The following PRKAG2 variants were observed in gnomAD, a reference collection of about 807,000 sequenced individuals.
PRKAG2 encodes the protein protein kinase AMP-activated non-catalytic subunit gamma 2.
PRKAG2 carries 26 observed loss-of-function variants against 69.6 expected under a neutral mutation model. The ratio of observed to expected loss-of-function variants is 0.37; its 90% CI spans 0.27 to 0.52. The LOEUF is 0.52. Among genes scored for constraint, PRKAG2 ranks in the 20% least tolerant of loss-of-function variants. The pLI, the probability that PRKAG2 is intolerant of heterozygous loss-of-function variation, is 0.90. For synonymous variants in PRKAG2, 293 were observed against 285.0 expected (o/e 1.03, Z -0.28); for missense variants, 557 against 740.0 (o/e 0.75, Z 2.87).
At chr7:151,684,612 G>T (rs533662822) in intron 3 of PRKAG2, among the ~76,000 whole-genome samples, 53 of 152,314 alleles carry the variant, frequency 3.5e-4, no homozygotes, top group African/African-American at 1.3e-3. Flanking sequence ...GACCCTGCTG[G>T]TCGGAAGCTC....
At chr7:151,681,679 G>A (rs183551877) in intron 3 of PRKAG2, among the ~76,000 whole-genome samples, 1 of 152,130 alleles carries the variant, frequency 6.6e-6, no homozygotes, top group East Asian at 1.9e-4. Context: ...CTGGTAGCTG[G>A]AGAAAGTTCA....
At chr7:151,579,600 A>T (rs1809858073) in intron 6 of PRKAG2, among the ~76,000 whole-genome samples, 1 of 152,186 alleles carries the variant, frequency 6.6e-6, no homozygotes, top group African/African-American at 2.4e-5. Flanking sequence ...AAAGAAAAGA[A>T]GGCTATGCAT....
intron 3 of PRKAG2, among the ~76,000 whole-genome samples, chr7:151,733,808 A>G (rs1167959771): frequency 6.6e-6 from 1 of 151,212 alleles, no homozygotes; most frequent in Non-Finnish European, 1.5e-5. Context: ...CGATCTTCCC[A>G]CTTCAGCTTT....
chr7:151,595,265 A>G, intron 6 of PRKAG2, 80 bp downstream of exon 6: 1 of 998,172 alleles, frequency 1.0e-6, no homozygotes, highest in Non-Finnish European at 1.6e-6. Context: ...GTTTGCTGGC[A>G]TTGCTGGTTT....
In PRKAG2 at chr7:151,574,883, C is replaced by T. The variant is rs1245068890; in HGVS notation, c.1005+8G>A. 3.1e-6 allele frequency: 5 copies of T among 1,613,424 alleles called. No homozygotes were observed. Among genetic ancestry groups the T allele is most frequent in the South Asian group, 1.1e-5 (1 of 91,070 alleles). ...CCAACTACTGACATAGGAACTGGTG[C>T]CACTTACCATAGGTGATTTATAGTA... On this transcript the variant is annotated splice_region_variant and intron_variant, in intron 8 of 15. Coordinates refer to ENST00000287878, the MANE Select transcript of PRKAG2 (RefSeq NM_016203.4).
At chr7:151,767,393 C>A (rs906867326) in intron 3 of PRKAG2, among the ~76,000 whole-genome samples, 1 of 152,210 alleles carries the variant, frequency 6.6e-6, no homozygotes, top group Non-Finnish European at 1.5e-5. Flanking sequence ...CGGGTTCAAG[C>A]GATTCTCCTG....
chr7:151,872,242 T>C (rs1021466388), intron 1 of PRKAG2, among the ~76,000 whole-genome samples: 44 of 152,214 alleles, frequency 2.9e-4, no homozygotes, highest in Non-Finnish European at 4.7e-4. Context: ...CCCTTCTGCA[T>C]TCTCTCATCA....
chr7:151,746,867 GA>G (rs2074316900), intron 3 of PRKAG2, among the ~76,000 whole-genome samples: 2 of 152,226 alleles, frequency 1.3e-5, no homozygotes, highest in South Asian at 4.1e-4. Flanking sequence ...TCTCAGCAGA[GA>G]AATCAGAAGG....
Position 151,569,736 on chromosome 7 carries a change from C to T in PRKAG2, c.1106+435G>A, listed in dbSNP as rs367863229. 1.3e-3 allele frequency among the ~76,000 whole-genome samples: 197 copies of T among 152,354 alleles called. 1 individual carries two copies. The highest frequency in any genetic ancestry group is 4.5e-3 in the African/African-American group (188 of 41,596). On this transcript the variant is annotated intron_variant, in intron 10 of 15. Coordinates refer to ENST00000287878, the MANE Select transcript of PRKAG2 (RefSeq NM_016203.4). ...GGATAAAAAAGGACGGGCCAGACGA[C>T]TACACAGAAGGCAGCCCATGCTCTC...
chr7:151,613,005 AC>A (rs1218694303), intron 5 of PRKAG2, among the ~76,000 whole-genome samples: 1 of 151,978 alleles, frequency 6.6e-6, no homozygotes, highest in Non-Finnish European at 1.5e-5. Flanking sequence ...GCTCAACAGG[AC>A]CCCAGAATAC....
rs1223272366 is a variant in PRKAG2 at position 151,828,150 on chromosome 7, T to C, written c.115-41609A>G. 2.0e-5 allele frequency among the ~76,000 whole-genome samples: 3 copies of C among 152,260 alleles called. No individual in the cohort carries two copies. The highest frequency in any genetic ancestry group is 3.8e-4 in the East Asian group (2 of 5,198). Reference sequence around the variant, plus strand: ...ACCCAGGGGAGCCCCGACCCCAGGCTGGCCCTGGAATGAGTGCAACTCTTT... The same window carrying C: ...ACCCAGGGGAGCCCCGACCCCAGGCCGGCCCTGGAATGAGTGCAACTCTTT... On this transcript the variant is annotated intron_variant, in intron 1 of 15. Transcript: ENST00000287878. This position sits in a 1 kb window ranked among gnomAD's most constrained non-coding sequence, Gnocchi z 4.6.
In PRKAG2 at chr7:151,855,285, A is replaced by G. The variant is rs199658218; in HGVS notation, c.114+21222T>C. On this transcript the variant is annotated intron_variant, in intron 1 of 15. Coordinates refer to ENST00000287878, the MANE Select transcript of PRKAG2 (RefSeq NM_016203.4). ...ACACACACCACCCTCCACACACACC[A>G]CCCTCCACACACCACCCTCCACACA... 4.7e-3 allele frequency among the ~76,000 whole-genome samples: 210 copies of G among 45,136 alleles called. No individual in the cohort carries two copies. In the East Asian group the frequency reaches 0.08, roughly 17 times the overall value. 29.6% of individuals were successfully genotyped at this position (45,136 alleles called of 152,430 possible).
At chr7:151,672,935 G>A (rs552664192) in intron 4 of PRKAG2, among the ~76,000 whole-genome samples, 6 of 152,276 alleles carry the variant, frequency 3.9e-5, no homozygotes, top group African/African-American at 1.4e-4. Flanking sequence ...TCTGATCACC[G>A]TGGCAAGCCT....
chr7:151,842,640 G>GTA, intron 1 of PRKAG2, among the ~76,000 whole-genome samples: 1 of 149,232 alleles, frequency 6.7e-6, no homozygotes, highest in Non-Finnish European at 1.5e-5. Context: ...GCGATGGTAG[G>GTA]GATGGTAGTG....
intron 6 of PRKAG2, among the ~76,000 whole-genome samples, chr7:151,586,809 G>A (rs1811785184): frequency 6.6e-6 from 1 of 152,126 alleles, no homozygotes; most frequent in African/African-American, 2.4e-5. Flanking sequence ...TTCCCTTTGT[G>A]CCTCTTAATT....
intron 6 of PRKAG2, among the ~76,000 whole-genome samples, chr7:151,577,602 T>G (rs1056895380): frequency 2.0e-5 from 3 of 152,142 alleles, no homozygotes; most frequent in African/African-American, 7.2e-5. Context: ...AATCACAAAG[T>G]ATTCATATTG....
chr7:151,657,578 T>C (rs1031702636), intron 4 of PRKAG2, among the ~76,000 whole-genome samples: 12 of 152,244 alleles, frequency 7.9e-5, no homozygotes, highest in Admixed American at 2.0e-4. Context: ...ATTTTATTTT[T>C]CTAAACCTTG....
chr7:151,842,530 A>ATGATGGTAGTGATGGTAGGTAG (rs1273265901), intron 1 of PRKAG2, among the ~76,000 whole-genome samples: 1 of 142,606 alleles, frequency 7.0e-6, no homozygotes, highest in Non-Finnish European at 1.5e-5. Flanking sequence ...GTAGGTAGTG[A>ATGATGGTAGTGATGGTAGGTAG]TGATGGTAGT....
At chr7:151,672,140 C>T (rs903516801) in intron 4 of PRKAG2, among the ~76,000 whole-genome samples, 4 of 149,248 alleles carry the variant, frequency 2.7e-5, no homozygotes, top group Non-Finnish European at 4.4e-5. Context: ...CTCGCTCTGT[C>T]GCCCAGGCTG....
Sources: allele counts gnomAD v4.1 joint callset (sites outside exome capture counted in the v4.1 genomes callset), GRCh38; gene constraint gnomAD v4.1.1; non-coding constraint Gnocchi (gnomAD v3.1); transcripts MANE v1.5; gene names NCBI Gene and HGNC (gene_info 2026-07-23, HGNC 2026-07-21).